The following ZNG1C variants were observed in gnomAD, a reference collection of about 807,000 sequenced individuals.
The protein encoded by ZNG1C is zinc-regulated GTPase metalloprotein activator 1C.
At chr9:68,299,231 G>A in the ZNG1C span, 2 of 1,567,616 alleles carry the variant, frequency 1.3e-6, no homozygotes, top group African/African-American at 2.7e-5. Context: ...TTTCATCTTT[G>A]TCACATTACA....
the ZNG1C span, among the ~76,000 whole-genome samples, chr9:68,260,434 G>A: frequency 2.0e-5 from 3 of 152,124 alleles, no homozygotes; most frequent in Admixed American, 1.3e-4. Flanking sequence ...CACAGTAAAC[G>A]TTTAACCTTC....
chr9:68,269,549 A>AGTT, the ZNG1C span: 1 of 79,782 alleles, frequency 1.3e-5, no homozygotes, highest in Non-Finnish European at 1.5e-5. Flanking sequence ...TATTAAGCTC[A>AGTT]TTTTTTTTTT....
chr9:68,256,123 T>G, the ZNG1C span, among the ~76,000 whole-genome samples: 2 of 152,374 alleles, frequency 1.3e-5, no homozygotes, highest in East Asian at 1.9e-4. Flanking sequence ...GTGGACAGCT[T>G]TAGACGTTGG....
the ZNG1C span, among the ~76,000 whole-genome samples, chr9:68,293,782 CAGAA>C: frequency 1.6e-5 from 2 of 122,994 alleles, no homozygotes; most frequent in South Asian, 6.1e-4. Flanking sequence ...GTCATCAAGA[CAGAA>C]AGTCAACAAA....
the ZNG1C span, among the ~76,000 whole-genome samples, chr9:68,291,680 CT>C: frequency 6.9e-6 from 1 of 143,992 alleles, no homozygotes; most frequent in African/African-American, 2.6e-5. Flanking sequence ...CAATTTGAAT[CT>C]TTTTTTAGTC....
chr9:68,297,266 C>A, the ZNG1C span, among the ~76,000 whole-genome samples: 1 of 147,886 alleles, frequency 6.8e-6, no homozygotes, highest in Admixed American at 6.8e-5. Flanking sequence ...TACATATATT[C>A]TTATTCCTGA....
the ZNG1C span, among the ~76,000 whole-genome samples, chr9:68,256,442 GATTACAAGTAAATTTT>G: frequency 2.3e-5 from 3 of 133,280 alleles, no homozygotes; most frequent in East Asian, 4.1e-4. Context: ...GTTCTACACA[GATTACAAGTAAATTTT>G]TTTTGGGCAA....
chr9:68,276,620 T>C, the ZNG1C span, among the ~76,000 whole-genome samples: 2 of 143,592 alleles, frequency 1.4e-5, no homozygotes, highest in South Asian at 2.3e-4. Context: ...GTTGTAGATA[T>C]GCGGCGTTAT....
At chr9:68,262,912 CT>C in the ZNG1C span, among the ~76,000 whole-genome samples, 1 of 141,950 alleles carries the variant, frequency 7.0e-6, no homozygotes, top group South Asian at 2.3e-4. Context: ...TAAACTTGAT[CT>C]TTTGGCATGG....
the ZNG1C span, among the ~76,000 whole-genome samples, chr9:68,276,096 T>A: frequency 5.9e-4 from 89 of 151,804 alleles, 1 homozygote; most frequent in Non-Finnish European, 2.1e-4. Context: ...GTGGCATAAA[T>A]GTCTTCTTTT....
chr9:68,248,577 GTAT>G, the ZNG1C span: 3 of 2,528 alleles, frequency 1.2e-3, no homozygotes, highest in African/African-American at 0.043. Flanking sequence ...TTTTAATAAA[GTAT>G]TATTATGTAT....
the ZNG1C span, among the ~76,000 whole-genome samples, chr9:68,294,067 C>G: frequency 6.6e-6 from 1 of 152,034 alleles, no homozygotes; most frequent in African/African-American, 2.4e-5. Context: ...GAATAACCTG[C>G]TCCTGGATGA....
At chr9:68,294,849 A>C in the ZNG1C span, among the ~76,000 whole-genome samples, 2 of 151,194 alleles carry the variant, frequency 1.3e-5, no homozygotes, top group African/African-American at 2.4e-5. Context: ...ACATAACCAA[A>C]GAAGAAAACT....
the ZNG1C span, among the ~76,000 whole-genome samples, chr9:68,293,259 G>A: frequency 1.3e-5 from 2 of 152,238 alleles, no homozygotes; most frequent in African/African-American, 2.4e-5. Flanking sequence ...AATACAATTA[G>A]AAAAACAACA....
the ZNG1C span, among the ~76,000 whole-genome samples, chr9:68,291,663 G>A: frequency 7.4e-6 from 1 of 134,774 alleles, no homozygotes; most frequent in Non-Finnish European, 1.6e-5. Flanking sequence ...TCTCACATTT[G>A]CAAGTTCAAT....
At chr9:68,287,629 T>C in the ZNG1C span, among the ~76,000 whole-genome samples, 1 of 152,308 alleles carries the variant, frequency 6.6e-6, no homozygotes, top group African/African-American at 2.4e-5. Flanking sequence ...ATGTACCTAT[T>C]GCCCTTGGTG....
the ZNG1C span, among the ~76,000 whole-genome samples, chr9:68,257,366 G>C: frequency 8.6e-6 from 1 of 116,344 alleles, no homozygotes; most frequent in Non-Finnish European, 1.8e-5. Context: ...AATCTTTATG[G>C]TTAAGCTTAT....
chr9:68,257,121 T>A, the ZNG1C span: 1 of 1,155,750 alleles, frequency 8.7e-7, no homozygotes, highest in Admixed American at 3.6e-5. Flanking sequence ...CACTGCAATC[T>A]TTACCTCCTG....
the ZNG1C span, chr9:68,268,816 TC>T: frequency 2.4e-6 from 1 of 423,578 alleles, no homozygotes; most frequent in Non-Finnish European, 4.2e-6. Context: ...TTTTTCTGGT[TC>T]CAGATGTATT....
Sources: gnomAD v4.1 joint callset for allele counts (sites outside exome capture counted in the v4.1 genomes callset) on GRCh38, gnomAD v4.1.1 for gene constraint, MANE v1.5 for transcripts, NCBI Gene and HGNC (gene_info 2026-07-23, HGNC 2026-07-21) for gene names.